Variants in SLC35F3 observed in about 807,000 individuals in gnomAD.
SLC35F3 encodes the protein putative thiamine transporter SLC35F3.
Under a neutral mutation model 49.9 loss-of-function variants are expected in SLC35F3, and 25 were observed. The ratio of observed to expected loss-of-function variants is 0.50; its 90% CI spans 0.37 to 0.70. The LOEUF (loss-of-function observed/expected upper bound fraction) is 0.70, where lower values mean the gene tolerates loss of function less well. Ranked by LOEUF, SLC35F3 falls within the 30% of genes least tolerant of loss-of-function variation. The pLI, the probability that SLC35F3 is intolerant of heterozygous loss-of-function variation, is 0.00. For missense variants in SLC35F3, 525 were observed against 639.8 expected (o/e 0.82, Z 1.94); for synonymous variants, 275 against 265.4 (o/e 1.04, Z -0.35).
At chr1:234,045,196 A>G (rs747244447) in intron 2 of SLC35F3, among the ~76,000 whole-genome samples, 16 of 152,160 alleles carry the variant, frequency 1.1e-4, no homozygotes, top group Non-Finnish European at 2.2e-4. Context: ...TAACCCATGT[A>G]CTAAAAGGTG....
rs1572064516 is a variant in SLC35F3, at chr1:234,134,988, A to G, written c.284-96429A>G. Reference sequence around the variant, plus strand: ...ACCTGCCTCGGCCTCCCAAAGTGCTAGGATTACAGGCCTGAGCCACCACGC... The same window carrying G: ...ACCTGCCTCGGCCTCCCAAAGTGCTGGGATTACAGGCCTGAGCCACCACGC... On this transcript the variant is annotated intron_variant, in intron 2 of 7. Coordinates refer to ENST00000366618, the MANE Select transcript of SLC35F3 (RefSeq NM_173508.4). Among the ~76,000 whole-genome samples the G allele has an allele frequency of 2.0e-5, 3 of 152,036 alleles. No homozygotes were observed. In the South Asian group the frequency reaches 6.2e-4, roughly 32 times the overall value.
At chr1:233,930,055 G>A (rs1327192596) in intron 2 of SLC35F3, among the ~76,000 whole-genome samples, 1 of 152,032 alleles carries the variant, frequency 6.6e-6, no homozygotes, top group Non-Finnish European at 1.5e-5. Flanking sequence ...AGACTGAGGT[G>A]GGAAGATCTC....
intron 3 of SLC35F3, among the ~76,000 whole-genome samples, chr1:234,233,728 CT>C (rs1034402746): frequency 1.3e-5 from 2 of 152,228 alleles, no homozygotes; most frequent in Admixed American, 1.3e-4. Context: ...GATGACTGCC[CT>C]GTTAACTGGC....
At chr1:234,216,809 A>G (rs939283172) in intron 2 of SLC35F3, among the ~76,000 whole-genome samples, 7 of 152,212 alleles carry the variant, frequency 4.6e-5, no homozygotes, top group Non-Finnish European at 7.3e-5. Context: ...AGGAGATGCA[A>G]TAAGGTAGAG....
At chr1:234,111,780 AAAG>A (rs1169582542) in intron 2 of SLC35F3, among the ~76,000 whole-genome samples, 1 of 152,224 alleles carries the variant, frequency 6.6e-6, no homozygotes, top group African/African-American at 2.4e-5. Context: ...AGGCCTGGAG[AAAG>A]CTGAGAATTA....
intron 2 of SLC35F3, among the ~76,000 whole-genome samples, chr1:233,918,169 A>T (rs900916350): frequency 6.6e-5 from 10 of 152,140 alleles, no homozygotes; most frequent in African/African-American, 2.2e-4. Context: ...GGAACAGATG[A>T]CTCCTAATGG....
rs144603176 is a variant in SLC35F3, at chr1:234,309,208, A to T, written c.716A>T (p.His239Leu). The stretch of plus-strand genomic sequence containing the variant: ...ACACTCACAAACTACCTGTACTTAC[A>T]TGCAATAAAGAAAATAAACACTACG... ...LWTLTNYLYL[H>L]AIKKINTTDV... Residue 239 changes from histidine (H) to leucine (L), a missense_variant, in exon 4 of 8, where the codon CAT becomes CTT. By Grantham distance (99) the His-to-Leu change is moderately conservative. This residue lies in a region of SLC35F3 where 216 missense variants were observed against 298.1 expected (regional missense o/e 0.72). Transcript: ENST00000366618. 1 of 1,614,208 alleles carries T rather than the reference A, an allele frequency of 6.2e-7. No individual in the cohort carries two copies. The highest frequency in any genetic ancestry group is 8.5e-7 in the Non-Finnish European group (1 of 1,180,034).
At chr1:234,136,584 TG>T (rs1665815461) in intron 2 of SLC35F3, among the ~76,000 whole-genome samples, 1 of 152,270 alleles carries the variant, frequency 6.6e-6, no homozygotes, top group Non-Finnish European at 1.5e-5. Flanking sequence ...TAGTTGAGTC[TG>T]GTCTCCCCAG....
At chr1:234,117,590 TAA>T (rs34058556) in intron 2 of SLC35F3, among the ~76,000 whole-genome samples, 3 of 135,952 alleles carry the variant, frequency 2.2e-5, no homozygotes, top group South Asian at 2.3e-4. Flanking sequence ...AGACCCTGTC[TAA>T]AAAAAAAAAA....
chr1:234,212,041 G>C (rs188766252), intron 2 of SLC35F3, among the ~76,000 whole-genome samples: 51 of 152,286 alleles, frequency 3.3e-4, no homozygotes, highest in Admixed American at 2.2e-3. Flanking sequence ...ATAAGGGGGA[G>C]TTTCCCTGCA....
chr1:233,954,988 C>T lies in SLC35F3; in HGVS notation c.283+49230C>T, dbSNP rs1180936305. On this transcript the variant is annotated intron_variant, in intron 2 of 7. Coordinates refer to ENST00000366618, the MANE Select transcript of SLC35F3 (RefSeq NM_173508.4). ...CTTCCTGAGTAGCTGGGATTACAGG[C>T]ACACACCACCACGCCCGGCTAATTT... Among the ~76,000 whole-genome samples, 6 of 152,232 alleles carry T rather than the reference C, an allele frequency of 3.9e-5. No individual in the cohort carries two copies. In the East Asian group the frequency reaches 1.2e-3, roughly 29 times the overall value.
chr1:234,132,595 A>G (rs1476238845), intron 2 of SLC35F3, among the ~76,000 whole-genome samples: 1 of 152,206 alleles, frequency 6.6e-6, no homozygotes, highest in East Asian at 1.9e-4. Context: ...CGATTTAAAT[A>G]TGTAAGTTTA....
At chr1:234,285,211 T>G (rs2102982861) in intron 3 of SLC35F3, 5 of 404,490 alleles carry the variant, frequency 1.2e-5, no homozygotes, top group Middle Eastern at 1.7e-3. Context: ...GCACAGAACA[T>G]GATCAAGGAC....
Position 234,231,546 on chromosome 1 carries a change from G to T in SLC35F3, c.413G>T (p.Gly138Val). The change falls in exon 3 of 8, where the codon GGC (glycine) becomes GTC (valine). Residue 138 changes from glycine (G) to valine (V), a missense_variant. This residue lies in a region of SLC35F3 where 228 missense variants were observed against 218.9 expected (regional missense o/e 1.04). Transcript: ENST00000366618. This position sits in a 1 kb window ranked among gnomAD's most constrained non-coding sequence, Gnocchi z 5.4. Reference protein sequence around the residue: ...SRAQLKKIFWGVAVVLCVCSS... With the variant: ...SRAQLKKIFWVVAVVLCVCSS... The stretch of plus-strand genomic sequence containing the variant: ...GCGCAACTCAAGAAGATCTTCTGGG[G>T]CGTGGCGGTCGTGCTGTGCGTGTGC... 1.2e-6 allele frequency: 2 copies of T among 1,614,122 alleles called. No homozygotes were observed. Among genetic ancestry groups the T allele is most frequent in the South Asian group, 1.1e-5 (1 of 91,084 alleles).
chr1:234,108,634 TTATATATAAAAGATACATATATTTA>T, intron 2 of SLC35F3, among the ~76,000 whole-genome samples: 1 of 119,968 alleles, frequency 8.3e-6, no homozygotes, highest in South Asian at 2.6e-4. Flanking sequence ...ATATATATAT[TTATATATAAAAGATACATATATTTA>T]TATATATAAA....
intron 2 of SLC35F3, among the ~76,000 whole-genome samples, chr1:234,217,476 G>A (rs1291349263): frequency 6.6e-6 from 1 of 152,182 alleles, no homozygotes; most frequent in Non-Finnish European, 1.5e-5. Flanking sequence ...TTCTGGTATC[G>A]AACTGAAAAG....
chr1:234,072,991 G>A (rs1355187323), intron 2 of SLC35F3, among the ~76,000 whole-genome samples: 3 of 152,170 alleles, frequency 2.0e-5, no homozygotes, highest in Non-Finnish European at 2.9e-5. Context: ...ACCTGGCGAG[G>A]GTGTTTGTGA....
chr1:234,104,869 G>T lies in SLC35F3; in HGVS notation c.284-126548G>T, dbSNP rs1349304461. Among the ~76,000 whole-genome samples, 22 of 151,976 alleles carry T rather than the reference G, an allele frequency of 1.4e-4. No individual in the cohort carries two copies. In the East Asian group the frequency reaches 4.3e-3, roughly 29 times the overall value. Reference sequence around the variant, plus strand: ...TTTGTGGCTGGGCACGGTGGCTTATGCCTGTAATCCCAGCACTTTGGGAGG... The same window carrying T: ...TTTGTGGCTGGGCACGGTGGCTTATTCCTGTAATCCCAGCACTTTGGGAGG... On this transcript the variant is annotated intron_variant, in intron 2 of 7. Transcript: ENST00000366618.
At chr1:234,179,850 T>C (rs1283983818) in intron 2 of SLC35F3, among the ~76,000 whole-genome samples, 1 of 152,194 alleles carries the variant, frequency 6.6e-6, no homozygotes, top group Non-Finnish European at 1.5e-5. Context: ...CCTCTTTGAC[T>C]TCAGCAGTGG....
Sources: allele counts gnomAD v4.1 joint callset (sites outside exome capture counted in the v4.1 genomes callset), GRCh38; gene constraint gnomAD v4.1.1; regional missense constraint gnomAD v4.1.1; non-coding constraint Gnocchi (gnomAD v3.1); transcripts MANE v1.5; gene names NCBI Gene and HGNC (gene_info 2026-07-23, HGNC 2026-07-21).